ZZZ3: variants seen among roughly 807,000 people sequenced by gnomAD.
The protein encoded by ZZZ3 is ZZ-type zinc finger-containing protein 3.
ZZZ3 carries 22 observed loss-of-function variants against 95.2 expected under a neutral mutation model. The ratio of observed to expected loss-of-function variants is 0.23; its 90% confidence interval spans 0.17 to 0.33. The LOEUF (loss-of-function observed/expected upper bound fraction) is 0.33, where lower values mean the gene tolerates loss of function less well. ZZZ3 is among the 10% of genes least tolerant of loss of function. The pLI, the probability that ZZZ3 is intolerant of heterozygous loss-of-function variation, is 1.00. For missense variants in ZZZ3, 885 were observed against 1,066.5 expected (o/e 0.83, Z 2.37); for synonymous variants, 335 against 358.9 (o/e 0.93, Z 0.75).
At chr1:77,582,197 T>C in intron 6 of ZZZ3, 71 bp from the exon 7 acceptor site, 1 of 1,428,702 alleles carries the variant, frequency 7.0e-7, no homozygotes, top group Non-Finnish European at 9.4e-7. Flanking sequence ...TCCACCACAG[T>C]CAAATTTTCA....
At chr1:77,581,752 A>C in intron 8 of ZZZ3, 24 bp downstream of exon 8, 1 of 1,531,048 alleles carries the variant, frequency 6.5e-7, no homozygotes. Context: ...AAATTCTCCT[A>C]CTCCAATATT....
chr1:77,642,158 A>ACATAG (rs1471806065), intron 1 of ZZZ3, among the ~76,000 whole-genome samples: 4 of 152,242 alleles, frequency 2.6e-5, no homozygotes, highest in African/African-American at 9.6e-5. Flanking sequence ...GTTATTTAAA[A>ACATAG]TAAACTGACA....
At chr1:77,604,476 G>T (rs1175138268) in intron 5 of ZZZ3, among the ~76,000 whole-genome samples, 1 of 152,120 alleles carries the variant, frequency 6.6e-6, no homozygotes, top group Non-Finnish European at 1.5e-5. Flanking sequence ...TAAAGTATTT[G>T]CAGGCTAGAT....
In ZZZ3 at chr1:77,632,343, C is replaced by T. The variant is rs749565657; in HGVS notation, c.1012G>A (p.Glu338Lys). ...KEQCKENTNN[E>K]LDTSLESMPA... Reference sequence around the variant, plus strand: ...ATACTCTCAAGACTTGTGTCCAGTTCGTTATTGGTGTTTTCTTTACACTGC... The same window carrying T: ...ATACTCTCAAGACTTGTGTCCAGTTTGTTATTGGTGTTTTCTTTACACTGC... Residue 338 changes from glutamate to lysine, a missense_variant, in exon 5 of 15, where the codon GAA becomes AAA. By Grantham distance (56) the Glu-to-Lys change is moderately conservative. This residue lies in a region of ZZZ3 where 556 missense variants were observed against 652.9 expected (regional missense o/e 0.85). Transcript: ENST00000370801. 7 of 1,613,994 alleles carry T rather than the reference C, an allele frequency of 4.3e-6. No individual in the cohort carries two copies. The highest frequency in any genetic ancestry group is 1.1e-5 in the South Asian group (1 of 91,078).
intron 9 of ZZZ3, chr1:77,580,435 T>C (rs1010024185): frequency 1.3e-5 from 2 of 152,208 alleles, no homozygotes; most frequent in African/African-American, 4.8e-5. Context: ...AAAACATCTA[T>C]TTTATTCTAT....
chr1:77,591,487 G>A (rs546770121), intron 5 of ZZZ3, among the ~76,000 whole-genome samples: 335 of 152,208 alleles, frequency 2.2e-3, no homozygotes, highest in Non-Finnish European at 3.9e-3. Context: ...GACTACAGGC[G>A]CATAGCACCA....
intron 12 of ZZZ3, among the ~76,000 whole-genome samples, chr1:77,575,082 C>A (rs1048742215): frequency 6.6e-5 from 10 of 152,104 alleles, no homozygotes; most frequent in Non-Finnish European, 1.5e-4. Context: ...TACTCAGGTG[C>A]CTGAGGCAGG....
intron 5 of ZZZ3, among the ~76,000 whole-genome samples, chr1:77,586,475 G>A (rs1207238163): frequency 6.6e-6 from 1 of 152,132 alleles, no homozygotes; most frequent in Non-Finnish European, 1.5e-5. Flanking sequence ...AATTACATTG[G>A]CAGCCGTCTT....
chr1:77,620,823 A>C (rs1209508355), intron 5 of ZZZ3, among the ~76,000 whole-genome samples: 2 of 152,190 alleles, frequency 1.3e-5, no homozygotes, highest in African/African-American at 2.4e-5. Context: ...ATAGATAGTA[A>C]TTTAAGCCAC....
At chr1:77,609,468 T>A (rs541471227) in intron 5 of ZZZ3, among the ~76,000 whole-genome samples, 6 of 152,082 alleles carry the variant, frequency 3.9e-5, no homozygotes, top group Non-Finnish European at 8.8e-5. Context: ...ACTTTCAGCA[T>A]TGGACTGATC....
Position 77,584,663 on chromosome 1 carries a change from G to A in ZZZ3, c.1506-8C>T. The A allele has an allele frequency of 6.5e-7, 1 of 1,535,544 alleles. No individual in the cohort carries two copies. Among genetic ancestry groups the A allele is most frequent in the Non-Finnish European group, 8.7e-7 (1 of 1,147,986 alleles). On this transcript the variant is annotated splice_region_variant and splice_polypyrimidine_tract_variant and intron_variant, in intron 5 of 14. Transcript: ENST00000370801. ...TGTAATAGTCTCTGATAACTACAGA[G>A]ACAAAGAAAAATATTTCACAAAAAT... is the stretch of plus-strand genomic sequence containing the variant.
intron 5 of ZZZ3, among the ~76,000 whole-genome samples, chr1:77,624,971 T>A (rs1667206857): frequency 1.3e-5 from 2 of 152,198 alleles, no homozygotes; most frequent in Non-Finnish European, 2.9e-5. Flanking sequence ...ACAAATCTGG[T>A]CACAGAAGTG....
Position 77,641,578 on chromosome 1 carries a change from A to T in ZZZ3, c.-325T>A, listed in dbSNP as rs1668779732. 5.0e-6 allele frequency: 2 copies of T among 398,142 alleles called. No homozygotes were observed. The highest frequency in any genetic ancestry group is 3.6e-5 in the East Asian group (1 of 27,994). 24.7% of individuals were successfully genotyped at this position (398,142 alleles called of 1,614,324 possible). The stretch of plus-strand genomic sequence containing the variant: ...CCCCATGCGTCTGTATTTATCTGTC[A>T]TCACTGTTAATTGTCCATGTTACAC... On this transcript the variant is annotated 5_prime_UTR_variant, in exon 2 of 15. It removes an upstream start codon present in the reference 5' UTR. Coordinates refer to ENST00000370801, the MANE Select transcript of ZZZ3 (RefSeq NM_015534.6).
At chr1:77,658,382 C>A (rs1427494595) in intron 1 of ZZZ3, among the ~76,000 whole-genome samples, 2 of 151,900 alleles carry the variant, frequency 1.3e-5, no homozygotes, top group Admixed American at 1.3e-4. Context: ...CACTCTGTCA[C>A]CCAGGCTGGA....
chr1:77,623,353 T>A (rs1667055035), intron 5 of ZZZ3, among the ~76,000 whole-genome samples: 1 of 152,092 alleles, frequency 6.6e-6, no homozygotes. Context: ...TGAGTCTGGC[T>A]GAATATAATG....
chr1:77,625,060 G>C (rs1456224658), intron 5 of ZZZ3, among the ~76,000 whole-genome samples: 1 of 152,094 alleles, frequency 6.6e-6, no homozygotes, highest in Non-Finnish European at 1.5e-5. Context: ...GACAGAGTGA[G>C]TATAGAAGGA....
chr1:77,645,935 C>T (rs1054740115), intron 1 of ZZZ3, among the ~76,000 whole-genome samples: 1 of 146,896 alleles, frequency 6.8e-6, no homozygotes, highest in Non-Finnish European at 1.5e-5. Context: ...CACACCACTG[C>T]ACTTCAGCCT....
intron 5 of ZZZ3, among the ~76,000 whole-genome samples, chr1:77,588,165 A>G (rs567804113): frequency 6.6e-6 from 1 of 152,334 alleles, no homozygotes; most frequent in African/African-American, 2.4e-5. Context: ...TCAAGGGTCA[A>G]CTGTGGTGTC....
At chr1:77,648,447 A>C (rs1318131642) in intron 1 of ZZZ3, among the ~76,000 whole-genome samples, 1 of 152,220 alleles carries the variant, frequency 6.6e-6, no homozygotes, top group Non-Finnish European at 1.5e-5. Flanking sequence ...CATGACAGTC[A>C]CTAGATAAGA....
Sources: gnomAD v4.1 joint callset for allele counts (sites outside exome capture counted in the v4.1 genomes callset) on GRCh38, gnomAD v4.1.1 for gene constraint, gnomAD v4.1.1 regional missense constraint, MANE v1.5 for transcripts, NCBI Gene and HGNC (gene_info 2026-07-23, HGNC 2026-07-21) for gene names.